Variants in IQGAP2 observed in about 807,000 individuals in gnomAD.
The protein encoded by IQGAP2 is IQ motif containing GTPase activating protein 2.
In IQGAP2, 173 loss-of-function variants were observed where a neutral mutation model predicts 201.3. The ratio of observed to expected loss-of-function variants is 0.86; its 90% confidence interval spans 0.76 to 0.98. The LOEUF is 0.98. Among genes scored for constraint, IQGAP2 ranks in the 50% least tolerant of loss-of-function variants. IQGAP2 has a pLI of 0.00. For synonymous variants in IQGAP2, 675 were observed against 673.9 expected (o/e 1.00, Z -0.03); for missense variants, 1,687 against 1,864.8 (o/e 0.90, Z 1.76).
rs2069687 is a variant in IQGAP2, at chr5:76,617,167, C to G, written c.1521+5984C>G. 1,183 of 159,386 alleles carry G rather than the reference C, an allele frequency of 7.4e-3. 14 individuals carry two copies. Among genetic ancestry groups the G allele is most frequent in the African/African-American group, 0.026 (1,091 of 41,660 alleles). The allele number at this position is 159,386 out of a possible 1,614,324, so 9.9% of individuals were successfully genotyped here. A position where few individuals can be genotyped will look rare whatever the true frequency, so the allele number is the denominator to read the frequency against. ...TGTTTTTAAAAATTACTAATGCTGG[C>G]TGGCTCAGTGGCTCACGCCTGTAAT... On this transcript the variant is annotated intron_variant, in intron 13 of 35. Coordinates refer to ENST00000274364, the MANE Select transcript of IQGAP2 (RefSeq NM_006633.5).
intron 9 of IQGAP2, among the ~76,000 whole-genome samples, chr5:76,595,511 C>A (rs936646095): frequency 6.6e-6 from 1 of 151,832 alleles, no homozygotes; most frequent in Non-Finnish European, 1.5e-5. Flanking sequence ...TGTAATCTAG[C>A]ACTTTGGGAG....
rs150423707 is a variant in IQGAP2 at position 76,678,522 on chromosome 5, A to T, written c.3660+1172A>T. On this transcript the variant is annotated intron_variant, in intron 28 of 35. Coordinates refer to ENST00000274364, the MANE Select transcript of IQGAP2 (RefSeq NM_006633.5). ...GAAAAAATCTTGGTTTTTAAAAGGT[A>T]ACCATTTCAAGAATAGTTTCAGACC... Among the ~76,000 whole-genome samples, 294 of 152,292 alleles carry T rather than the reference A, an allele frequency of 1.9e-3. 1 individual carries two copies. Among genetic ancestry groups the T allele is most frequent in the African/African-American group, 6.7e-3 (277 of 41,562 alleles).
At chr5:76,551,004 G>A (rs780987843) in intron 2 of IQGAP2, among the ~76,000 whole-genome samples, 8 of 150,946 alleles carry the variant, frequency 5.3e-5, no homozygotes, top group Admixed American at 2.6e-4. Flanking sequence ...CCTCCCTCCC[G>A]GACGGGGGTG....
intron 22 of IQGAP2, 125 bp from the exon 23 acceptor site, chr5:76,668,556 A>C: frequency 1.4e-6 from 1 of 713,844 alleles, no homozygotes. Flanking sequence ...ATACTCATCT[A>C]TATGCTTTTA....
chr5:76,560,803 C>G (rs369832995), intron 2 of IQGAP2, among the ~76,000 whole-genome samples: 1 of 152,202 alleles, frequency 6.6e-6, no homozygotes, highest in African/African-American at 2.4e-5. Context: ...ATATACTATT[C>G]CCCTCCCATC....
rs771373599 is a variant in IQGAP2, at chr5:76,677,344, AC to A, written c.3655del (p.His1219ThrfsTer19). On this transcript the variant is annotated frameshift_variant, in exon 28 of 36. Coordinates refer to ENST00000274364, the MANE Select transcript of IQGAP2 (RefSeq NM_006633.5). LOFTEE classifies it high-confidence loss of function. Reference sequence around the variant, plus strand: ...TTTCAATTGAAGAAATCATCAGCACACACTCAGTAAGTGGGGATGGGGAGCC... The same window carrying A: ...TTTCAATTGAAGAAATCATCAGCACAACTCAGTAAGTGGGGATGGGGAGCC... ...YISIEEIIST[H>X]SLLLEHQDAI... 6.2e-7 allele frequency: 1 copy of A among 1,613,608 alleles called. No individual in the cohort carries two copies. Among genetic ancestry groups the A allele is most frequent in the East Asian group, 2.2e-5 (1 of 44,862 alleles).
chr5:76,430,872 T>G (rs1752328121), intron 1 of IQGAP2, among the ~76,000 whole-genome samples: 1 of 152,196 alleles, frequency 6.6e-6, no homozygotes, highest in African/African-American at 2.4e-5. Flanking sequence ...AAAATTCAAG[T>G]TAACCTAAAT....
chr5:76,601,611 TA>T (rs979244287), intron 11 of IQGAP2, among the ~76,000 whole-genome samples: 12 of 152,310 alleles, frequency 7.9e-5, no homozygotes, highest in Admixed American at 5.9e-4. Context: ...GTCGCTGAGA[TA>T]AAAGCCCCAG....
intron 2 of IQGAP2, among the ~76,000 whole-genome samples, chr5:76,559,487 T>A (rs979796028): frequency 2.6e-5 from 4 of 152,362 alleles, no homozygotes; most frequent in African/African-American, 9.6e-5. Flanking sequence ...ATGCTAGACC[T>A]TCCAGAGCCT....
intron 12 of IQGAP2, chr5:76,609,206 C>A (rs1306395182): frequency 3.3e-6 from 5 of 1,535,714 alleles, no homozygotes; most frequent in Non-Finnish European, 4.4e-6. Flanking sequence ...CTGTTAAGAC[C>A]ATTTTTGGAT....
At chr5:76,503,579 CT>C (rs11297909) in intron 2 of IQGAP2, among the ~76,000 whole-genome samples, 127,238 of 151,624 alleles carry the variant, frequency 0.84, 53,666 homozygotes, top group African/African-American at 0.92. Context: ...TCTCAGGTTA[CT>C]TTTTTTTTAA....
intron 1 of IQGAP2, among the ~76,000 whole-genome samples, chr5:76,449,485 A>T (rs928997793): frequency 1.3e-5 from 2 of 152,080 alleles, no homozygotes; most frequent in African/African-American, 4.8e-5. Context: ...CCTTTTCTCT[A>T]CCCATGAAGT....
At chr5:76,682,781 A>T (rs1481488248) in intron 28 of IQGAP2, among the ~76,000 whole-genome samples, 1 of 152,182 alleles carries the variant, frequency 6.6e-6, no homozygotes, top group Non-Finnish European at 1.5e-5. Context: ...TAACTGAAAG[A>T]TCTGCCTCAT....
chr5:76,487,997 C>T (rs1010087249), intron 2 of IQGAP2, among the ~76,000 whole-genome samples: 1 of 152,138 alleles, frequency 6.6e-6, no homozygotes, highest in Non-Finnish European at 1.5e-5. Flanking sequence ...GACATGGGAG[C>T]CTATCCTCAC....
chr5:76,659,434 T>C (rs1743057193), intron 21 of IQGAP2, among the ~76,000 whole-genome samples: 1 of 152,204 alleles, frequency 6.6e-6, no homozygotes, highest in Non-Finnish European at 1.5e-5. Context: ...AGGGCTTCAG[T>C]GGCAAATGAG....
At chr5:76,436,511 ATATATATTTTTTTTTTT>A (rs1316956533) in intron 1 of IQGAP2, among the ~76,000 whole-genome samples, 3 of 26,210 alleles carry the variant, frequency 1.1e-4, no homozygotes, top group South Asian at 2.2e-3. Context: ...ATATATATAT[ATATATATTTTTTTTTTT>A]TTTTTTTTTT....
rs150861448 is a variant in IQGAP2, at chr5:76,591,467, T to G, written c.819+881T>G. 5.6e-3 allele frequency among the ~76,000 whole-genome samples: 853 copies of G among 152,306 alleles called. 9 individuals are homozygous for G. Among genetic ancestry groups the G allele is most frequent in the African/African-American group, 0.019 (796 of 41,560 alleles). ...ATTTGTCTACGCTGAGAGCTTCTAC[T>G]TCCTCACCAGCTTGTCTCTCATTAA... On this transcript the variant is annotated intron_variant, in intron 8 of 35. Transcript: ENST00000274364.
At chr5:76,669,386 G>A (rs1580774193) in intron 23 of IQGAP2, among the ~76,000 whole-genome samples, 1 of 152,168 alleles carries the variant, frequency 6.6e-6, no homozygotes, top group East Asian at 1.9e-4. Flanking sequence ...TTGGGAGCAC[G>A]GGAGCCAGGC....
At chr5:76,607,739 G>C (rs1467212094) in intron 12 of IQGAP2, 1 of 152,240 alleles carries the variant, frequency 6.6e-6, no homozygotes, top group Non-Finnish European at 1.5e-5. Flanking sequence ...ACAGAGCTCA[G>C]TCCCCCAGGC....
Sources: allele counts gnomAD v4.1 joint callset (sites outside exome capture counted in the v4.1 genomes callset), GRCh38; gene constraint gnomAD v4.1.1; transcripts MANE v1.5; gene names NCBI Gene and HGNC (gene_info 2026-07-23, HGNC 2026-07-21).